SLC1A7: variants seen among roughly 807,000 people sequenced by gnomAD.
The protein encoded by SLC1A7 is excitatory amino acid transporter 5.
Under a neutral mutation model 47.7 loss-of-function variants are expected in SLC1A7, and 40 were observed. The observed-to-expected ratio is 0.84, with a 90% CI of 0.65 to 1.09. The LOEUF is 1.09. SLC1A7 is among the 50% of genes least tolerant of loss of function. The pLI, the probability that SLC1A7 is intolerant of heterozygous loss-of-function variation, is 0.00. For missense variants in SLC1A7, 746 were observed against 769.5 expected, an observed-to-expected ratio of 0.97 and a Z score of 0.36; for synonymous variants, 323 against 325.6, an observed-to-expected ratio of 0.99 and a Z score of 0.09.
intron 3 of SLC1A7, among the ~76,000 whole-genome samples, chr1:53,106,550 A>G (rs1572321270): frequency 6.6e-6 from 1 of 151,488 alleles, no homozygotes; most frequent in East Asian, 2.0e-4. Flanking sequence ...CAGTGAGCCG[A>G]GATCGCGCCA....
At chr1:53,090,833 C>G (rs1267517518) in intron 7 of SLC1A7, 27 bp from the exon 8 acceptor site, 2 of 1,584,970 alleles carry the variant, frequency 1.3e-6, no homozygotes, top group East Asian at 4.6e-5. Context: ...CGGTGTCTGC[C>G]CAGCACCCTC....
At chr1:53,100,808 C>T (rs1557673074) in intron 5 of SLC1A7, among the ~76,000 whole-genome samples, 1 of 148,962 alleles carries the variant, frequency 6.7e-6, no homozygotes, top group Admixed American at 6.6e-5. Flanking sequence ...GCTCACACAC[C>T]CGCCTCAGTA....
Position 53,087,653 on chromosome 1 carries a change from C to T in SLC1A7, c.*356G>A, listed in dbSNP as rs1009373992. The T allele has an allele frequency of 8.1e-5, 14 of 173,484 alleles. No individual in the cohort carries two copies. Among genetic ancestry groups the T allele is most frequent in the Non-Finnish European group, 1.6e-4 (13 of 82,116 alleles). The allele number at this position is 173,484 out of a possible 1,614,324, so 10.7% of individuals were successfully genotyped here. ...GAAAGATTTGAGTTAGTGTCTTGACCTTAACGTGAGACCTTGGACAAGTGT... is the reference window on the plus strand; with the variant it reads ...GAAAGATTTGAGTTAGTGTCTTGACTTTAACGTGAGACCTTGGACAAGTGT... On this transcript the variant is annotated 3_prime_UTR_variant, in exon 11 of 11. Transcript: ENST00000371494.
At position 53,103,370 on chromosome 1, in the gene SLC1A7, T is replaced by G. The variant is rs1288462910; in HGVS notation, c.673A>C (p.Ile225Leu). Residue 225 changes from isoleucine to leucine, a missense_variant, in exon 5 of 11, where the codon ATC becomes CTC. By Grantham distance (5) the Ile-to-Leu change is conservative. Transcript: ENST00000371494. ...CCCATGGTGGCAGAGAAGAAGACGA[T>G]GCCCAGCACATTCATGCCATCGCTG... ...GTSDGMNVLG[I>L]VFFSATMGIM... 1 of 1,607,402 alleles carries G rather than the reference T, an allele frequency of 6.2e-7. No homozygotes were observed. The highest frequency in any genetic ancestry group is 1.1e-5 in the South Asian group (1 of 89,576).
At chr1:53,102,883 G>A (rs1439832489) in intron 5 of SLC1A7, 2 of 154,516 alleles carry the variant, frequency 1.3e-5, no homozygotes, top group Non-Finnish European at 2.9e-5. Flanking sequence ...GGTTGGTGAG[G>A]TCTTTTCCTT....
intron 2 of SLC1A7, among the ~76,000 whole-genome samples, chr1:53,120,086 G>A (rs972799307): frequency 3.3e-5 from 5 of 152,184 alleles, no homozygotes; most frequent in Admixed American, 6.5e-5. Flanking sequence ...ACATTAACCC[G>A]CAGAGGCAGT....
chr1:53,096,295 C>T lies in SLC1A7; in HGVS notation c.698-2735G>A, dbSNP rs139971322. ...CACACACACCGACTCGGTACACTCA[C>T]ACTGTCTCGGTAAACTCACCCCATC... On this transcript the variant is annotated intron_variant, in intron 5 of 10. Coordinates refer to ENST00000371494, the MANE Select transcript of SLC1A7 (RefSeq NM_006671.6). 2.6e-3 allele frequency among the ~76,000 whole-genome samples: 398 copies of T among 150,720 alleles called. 1 individual carries two copies. The highest frequency in any genetic ancestry group is 8.8e-3 in the African/African-American group (362 of 40,934).
chr1:53,110,376 C>G (rs976703452), intron 3 of SLC1A7, among the ~76,000 whole-genome samples: 1 of 150,886 alleles, frequency 6.6e-6, no homozygotes, highest in African/African-American at 2.4e-5. Context: ...GACCAAGAAA[C>G]GGTGAGAGCG....
chr1:53,110,239 G>T (rs947779482), intron 3 of SLC1A7, among the ~76,000 whole-genome samples: 2 of 152,200 alleles, frequency 1.3e-5, no homozygotes, highest in African/African-American at 4.8e-5. Context: ...CCTGGAGAGG[G>T]GAACTGGCCT....
chr1:53,102,120 A>C (rs540709249), intron 5 of SLC1A7: 15 of 152,340 alleles, frequency 9.8e-5, no homozygotes, highest in African/African-American at 3.6e-4. Context: ...TGCTTGTCAG[A>C]TGTGCCGAGA....
intron 2 of SLC1A7, 128 bp from the exon 3 acceptor site, chr1:53,115,101 A>G (rs183507860): frequency 2.3e-5 from 16 of 707,364 alleles, no homozygotes; most frequent in Middle Eastern, 3.8e-4. Context: ...CATTCTTCCA[A>G]CAATCCAGTC....
chr1:53,137,150 G>C (rs987727458), intron 1 of SLC1A7, among the ~76,000 whole-genome samples: 1 of 152,038 alleles, frequency 6.6e-6, no homozygotes, highest in African/African-American at 2.4e-5. Context: ...AGCTGGGCAT[G>C]GTGGTGCATG....
chr1:53,124,486 AG>A (rs1389854679), intron 2 of SLC1A7, among the ~76,000 whole-genome samples: 1 of 152,178 alleles, frequency 6.6e-6, no homozygotes, highest in Non-Finnish European at 1.5e-5. Flanking sequence ...GGAGAATTGG[AG>A]GCTCTAGCTG....
intron 3 of SLC1A7, among the ~76,000 whole-genome samples, chr1:53,114,128 A>C (rs1644729078): frequency 6.6e-6 from 1 of 152,136 alleles, no homozygotes; most frequent in Non-Finnish European, 1.5e-5. Flanking sequence ...GAGGGAGCGA[A>C]TGCACGAAGG....
intron 10 of SLC1A7, 107 bp from the exon 11 acceptor site, chr1:53,088,334 A>G (rs1054969923): frequency 5.4e-6 from 5 of 934,198 alleles, no homozygotes; most frequent in African/African-American, 1.7e-5. Flanking sequence ...AGGAACCACA[A>G]GATGGATTTT....
rs940642076 is a variant in SLC1A7, at chr1:53,090,816, G to C, written c.1032-10C>G. 1.9e-6 allele frequency: 3 copies of C among 1,603,848 alleles called. No individual in the cohort carries two copies. Among genetic ancestry groups the C allele is most frequent in the Non-Finnish European group, 2.6e-6 (3 of 1,175,376 alleles). ...GGGCAGTGTGGCTGAGCTACGGTTA[G>C]AGGGGCCGGTGTCTGCCCAGCACCC... On this transcript the variant is annotated splice_polypyrimidine_tract_variant and intron_variant, in intron 7 of 10. Coordinates refer to ENST00000371494, the MANE Select transcript of SLC1A7 (RefSeq NM_006671.6).
intron 5 of SLC1A7, among the ~76,000 whole-genome samples, chr1:53,101,527 C>T (rs911209431): frequency 1.5e-5 from 2 of 134,810 alleles, no homozygotes; most frequent in African/African-American, 5.7e-5. Flanking sequence ...GTACACTCAC[C>T]CTGACTCGTC....
At chr1:53,107,978 G>A (rs1033246529) in intron 3 of SLC1A7, 1 of 152,260 alleles carries the variant, frequency 6.6e-6, no homozygotes, top group Non-Finnish European at 1.5e-5. Flanking sequence ...ATTTCCACCT[G>A]TCAAACTGAC....
At position 53,106,936 on chromosome 1, in the gene SLC1A7, C is replaced by T. The variant is rs921837169; in HGVS notation, c.432-1162G>A. ...TTGGGAGGCCAAGGTGGGCACATCA[C>T]CTGAGGTCAGGAGTTTGAGACCAGC... On this transcript the variant is annotated intron_variant, in intron 3 of 10. Transcript: ENST00000371494. 1.2e-4 allele frequency among the ~76,000 whole-genome samples: 18 copies of T among 152,206 alleles called. No homozygotes were observed. The East Asian group carries it at 2.1e-3, about 18-fold the overall frequency.
Sources: gnomAD v4.1 joint callset for allele counts (sites outside exome capture counted in the v4.1 genomes callset) on GRCh38, gnomAD v4.1.1 for gene constraint, MANE v1.5 for transcripts, NCBI Gene and HGNC (gene_info 2026-07-23, HGNC 2026-07-21) for gene names.